Variants in MMP28 observed in about 807,000 individuals in gnomAD.
MMP28 encodes the protein matrix metallopeptidase 28.
Under a neutral mutation model 60.5 loss-of-function variants are expected in MMP28, and 55 were observed. The ratio of observed to expected loss-of-function variants is 0.91; its 90% CI spans 0.73 to 1.14. The LOEUF is 1.14. Ranked by LOEUF, MMP28 falls within the 50% of genes most tolerant of loss-of-function variation. The probability of loss-of-function intolerance (pLI) is 0.00; values close to 1 mark genes in which losing one functional copy is unlikely to be tolerated. For missense variants in MMP28, 686 were observed against 738.3 expected, an observed-to-expected ratio of 0.93 and a Z score of 0.82; for synonymous variants, 318 against 312.5, an observed-to-expected ratio of 1.02 and a Z score of -0.18.
chr17:35,758,124 T>C (rs2085760829), intron 2 of MMP28: 1 of 152,178 alleles, frequency 6.6e-6, no homozygotes, highest in Non-Finnish European at 1.5e-5. Context: ...GTCTTGTCTT[T>C]TAGGTATTAT....
intron 5 of MMP28, among the ~76,000 whole-genome samples, chr17:35,768,815 GA>G (rs889461811): frequency 8.8e-4 from 129 of 147,160 alleles, no homozygotes; most frequent in African/African-American, 3.1e-3. Flanking sequence ...GTCTCAAAAA[GA>G]AAAAAAAAAG....
At chr17:35,782,302 G>A (rs368022379) in intron 1 of MMP28, among the ~76,000 whole-genome samples, 16 of 151,966 alleles carry the variant, frequency 1.1e-4, no homozygotes, top group South Asian at 2.1e-4. Flanking sequence ...TGATCCGCCC[G>A]CCTCAGCCTA....
chr17:35,778,247 G>C (rs963037367), intron 3 of MMP28, among the ~76,000 whole-genome samples: 1 of 152,102 alleles, frequency 6.6e-6, no homozygotes, highest in Non-Finnish European at 1.5e-5. Context: ...ATGTTCAGAA[G>C]AGGCAAATCC....
rs1312239488 is a variant in MMP28 at position 35,766,816 on chromosome 17, C to T, written c.1247G>A (p.Arg416His). The T allele has an allele frequency of 2.4e-5, 38 of 1,573,464 alleles. No homozygotes were observed. Among genetic ancestry groups the T allele is most frequent in the African/African-American group, 4.0e-5 (3 of 74,118 alleles). Reference sequence around the variant, plus strand: ...GAAGAAGAGGGCGGCGTCAGGATGGCGGGGCAGGCCCCCTGCCCGGCACAG... The same window carrying T: ...GAAGAAGAGGGCGGCGTCAGGATGGTGGGGCAGGCCCCCTGCCCGGCACAG... ...PQLCRAGGLP[R>H]HPDAALFFPP... is the part of the protein sequence containing the mutation. The change falls in exon 8 of 8, where the codon CGC becomes CAC. Residue 416 changes from arginine (R) to histidine (H), a missense_variant. Coordinates refer to ENST00000605424, the MANE Select transcript of MMP28 (RefSeq NM_024302.5). This position sits in a 1 kb window ranked among gnomAD's most constrained non-coding sequence, Gnocchi z 4.3.
intron 1 of MMP28, among the ~76,000 whole-genome samples, chr17:35,789,809 T>G (rs936108959): frequency 6.6e-6 from 1 of 151,648 alleles, no homozygotes; most frequent in African/African-American, 2.4e-5. Flanking sequence ...CTGCTCAAGC[T>G]GGAGTGCAGT....
Position 35,766,378 on chromosome 17 carries a change from G to T in MMP28, c.*122C>A, listed in dbSNP as rs1270617617. 9 of 1,425,324 alleles carry T rather than the reference G, an allele frequency of 6.3e-6. No homozygotes were observed. The highest frequency in any genetic ancestry group is 8.2e-6 in the Non-Finnish European group (9 of 1,092,196). The allele number at this position is 1,425,324 out of a possible 1,614,324, so 88.3% of individuals were successfully genotyped here. ...AAAGGCAGACAGACTTCCAGATGGA[G>T]GCTTTGCTGCCCGGTCTTCTGCAGA... On this transcript the variant is annotated 3_prime_UTR_variant, in exon 8 of 8. Transcript: ENST00000605424. This position sits in a 1 kb window ranked among gnomAD's most constrained non-coding sequence, Gnocchi z 4.3.
At chr17:35,770,714 A>ATATG (rs2086105678) in intron 4 of MMP28, among the ~76,000 whole-genome samples, 3 of 147,546 alleles carry the variant, frequency 2.0e-5, no homozygotes, top group Non-Finnish European at 3.0e-5. Context: ...TGAATAATAA[A>ATATG]TGTGTGTGTG....
intron 1 of MMP28, among the ~76,000 whole-genome samples, chr17:35,785,512 A>G (rs2086621241): frequency 6.6e-6 from 1 of 152,000 alleles, no homozygotes; most frequent in African/African-American, 2.4e-5. Flanking sequence ...CAGTGGCGAG[A>G]TCTCAGTTCA....
chr17:35,773,133 G>A (rs781278067), intron 4 of MMP28, 47 bp downstream of exon 4: 1 of 1,568,256 alleles, frequency 6.4e-7, no homozygotes, highest in Non-Finnish European at 8.7e-7. Context: ...GCTTCTCCAA[G>A]TTGGGTTCCC....
At chr17:35,769,044 A>G (rs1395630350) in intron 5 of MMP28, among the ~76,000 whole-genome samples, 1 of 152,224 alleles carries the variant, frequency 6.6e-6, no homozygotes, top group African/African-American at 2.4e-5. Flanking sequence ...TACAGCAATT[A>G]TAATAATTAC....
rs1385585901 is a variant in MMP28 at position 35,773,207 on chromosome 17, C to T, written c.577G>A (p.Gly193Arg). 5 of 1,613,860 alleles carry T rather than the reference C, an allele frequency of 3.1e-6. No individual in the cohort carries two copies. In the African/African-American group the frequency reaches 6.7e-5, roughly 22 times the overall value. Residue 193 changes from glycine (G) to arginine (R), a missense_variant, in exon 4 of 8, where the codon GGG becomes AGG. Coordinates refer to ENST00000605424, the MANE Select transcript of MMP28 (RefSeq NM_024302.5). Reference sequence around the variant, plus strand: ...GGGCCATCAAAGGCATTGCCCAGCCCATCGTTGTGGTCCCCTTGGAAGAAG... The same window carrying T: ...GGGCCATCAAAGGCATTGCCCAGCCTATCGTTGTGGTCCCCTTGGAAGAAG... ...LTFFQGDHNDGLGNAFDGPGG... is the reference protein window; with the variant it reads ...LTFFQGDHNDRLGNAFDGPGG...
chr17:35,770,158 C>T lies in MMP28; in HGVS notation c.759G>A (p.Ala253=). 1.2e-6 allele frequency: 2 copies of T among 1,607,220 alleles called. No homozygotes were observed. The highest frequency in any genetic ancestry group is 8.5e-7 in the Non-Finnish European group (1 of 1,178,078). ...GHTLGLTHSP[A]PRALMAPYYK... ...AGTAGGGCGCCATGAGCGCGCGCGG[C>T]GCGGGCGAGTGGGTGAGGCCAAGCG... Residue 253 remains alanine, a synonymous_variant, in exon 5 of 8, where the codon GCG becomes GCA. Transcript: ENST00000605424.
rs1193006574 is a variant in MMP28 at position 35,773,473 on chromosome 17, T to A, written c.380-69A>T. On this transcript the variant is annotated intron_variant, in intron 3 of 7. Transcript: ENST00000605424. ...CCGAGTCTGGTCCCCACAGACCCAGTAGGATGGCGAGGGGTAGGCCCTCCC... is the reference window on the plus strand; with the variant it reads ...CCGAGTCTGGTCCCCACAGACCCAGAAGGATGGCGAGGGGTAGGCCCTCCC... 2.9e-6 allele frequency: 4 copies of A among 1,389,036 alleles called. No individual in the cohort carries two copies. The African/African-American group carries it at 4.3e-5, about 15-fold the overall frequency. 86.0% of individuals were successfully genotyped at this position (1,389,036 alleles called of 1,614,324 possible).
chr17:35,777,347 C>A (rs1555607875), intron 3 of MMP28, among the ~76,000 whole-genome samples: 2 of 152,200 alleles, frequency 1.3e-5, no homozygotes, highest in Non-Finnish European at 2.9e-5. Context: ...ACACCAAGGG[C>A]ATCCTGACTC....
At chr17:35,764,394 C>G (rs1555602272), downstream of MMP28, 1 of 1,502,446 alleles carries the variant, frequency 6.7e-7, no homozygotes, top group Admixed American at 2.2e-5. Context: ...AGGGGCTGCC[C>G]CAGGCACTGA....
rs1410811493 is a variant in MMP28 at position 35,795,612 on chromosome 17, T to C, written c.-235A>G. 2.7e-6 allele frequency: 1 copy of C among 363,704 alleles called. No individual in the cohort carries two copies. The highest frequency in any genetic ancestry group is 3.9e-5 in the East Asian group (1 of 25,340). 22.5% of individuals were successfully genotyped at this position (363,704 alleles called of 1,614,324 possible). A position where few individuals can be genotyped will look rare whatever the true frequency, so the allele number is the denominator to read the frequency against. On this transcript the variant is annotated 5_prime_UTR_variant, in exon 1 of 8. Transcript: ENST00000605424. ...AGCCCGGGCAGTGCCTGCCCGCGGGTCCGCCGGCCCCGGGGACCGAGGGAG... is the reference window on the plus strand; with the variant it reads ...AGCCCGGGCAGTGCCTGCCCGCGGGCCCGCCGGCCCCGGGGACCGAGGGAG...
At chr17:35,791,115 T>C (rs750203624) in intron 1 of MMP28, among the ~76,000 whole-genome samples, 15 of 151,738 alleles carry the variant, frequency 9.9e-5, no homozygotes, top group African/African-American at 3.6e-4. Flanking sequence ...TACTTTTACA[T>C]GTGTTTTAAA....
chr17:35,767,613 G>C lies in MMP28; in HGVS notation c.1168+139C>G, dbSNP rs546522585. ...TATCTTCTGATAGAGTCTTCCCTGG[G>C]GTCACAGGTTCAGATTGGAATGGAG... is the stretch of plus-strand genomic sequence containing the variant. On this transcript the variant is annotated intron_variant, in intron 7 of 7. Coordinates refer to ENST00000605424, the MANE Select transcript of MMP28 (RefSeq NM_024302.5). 4 of 1,009,036 alleles carry C rather than the reference G, an allele frequency of 4.0e-6. No homozygotes were observed. The East Asian group carries it at 1.1e-4, about 27-fold the overall frequency. The allele number at this position is 1,009,036 out of a possible 1,614,324, so 62.5% of individuals were successfully genotyped here.
At chr17:35,777,068 T>C (rs1008048925) in intron 3 of MMP28, among the ~76,000 whole-genome samples, 2 of 152,182 alleles carry the variant, frequency 1.3e-5, no homozygotes, top group African/African-American at 4.8e-5. Context: ...TTCCACTGCA[T>C]TCTCACAACA....
Sources: gnomAD v4.1 joint callset for allele counts (sites outside exome capture counted in the v4.1 genomes callset) on GRCh38, gnomAD v4.1.1 for gene constraint, Gnocchi (gnomAD v3.1) non-coding constraint, MANE v1.5 for transcripts, NCBI Gene and HGNC (gene_info 2026-07-23, HGNC 2026-07-21) for gene names.